Variants in TTC6 observed in about 807,000 individuals in gnomAD.
The protein encoded by TTC6 is tetratricopeptide repeat protein 6.
A neutral mutation model predicts 210.4 loss-of-function variants in TTC6; 172 were observed. The observed-to-expected ratio is 0.82, with a 90% CI of 0.72 to 0.93. TTC6 has a LOEUF of 0.93. Among genes scored for constraint, TTC6 ranks in the 40% least tolerant of loss-of-function variants. The pLI is 0.00. For synonymous variants in TTC6, 804 were observed against 819.6 expected, an observed-to-expected ratio of 0.98 and a Z score of 0.32; for missense variants, 2,414 against 2,318.1, an observed-to-expected ratio of 1.04 and a Z score of -0.85.
intron 14 of TTC6, among the ~76,000 whole-genome samples, chr14:37,773,379 G>A (rs2096026623): frequency 6.6e-6 from 1 of 152,114 alleles, no homozygotes; most frequent in South Asian, 2.1e-4. Context: ...AGGTTATCAT[G>A]CAGAGGTTTT....
chr14:37,722,551 C>T (rs535859168), intron 6 of TTC6, among the ~76,000 whole-genome samples: 2 of 152,234 alleles, frequency 1.3e-5, no homozygotes, highest in East Asian at 3.9e-4. Flanking sequence ...CTATGTTGCT[C>T]AAGCTGGTCT....
At chr14:37,633,263 G>A (rs1357565539) in intron 1 of TTC6, among the ~76,000 whole-genome samples, 8 of 152,222 alleles carry the variant, frequency 5.3e-5, no homozygotes, top group Admixed American at 4.6e-4. Context: ...GAAGGCACCC[G>A]AGGGAATCTC....
intron 27 of TTC6, among the ~76,000 whole-genome samples, chr14:37,824,745 T>G (rs2096166512): frequency 6.6e-6 from 1 of 152,126 alleles, no homozygotes; most frequent in Non-Finnish European, 1.5e-5. Flanking sequence ...GAAAGTTTTT[T>G]GAGAAATTAA....
In TTC6 at chr14:37,656,300, G is replaced by A. The variant is rs559227048; in HGVS notation, c.940-23851G>A. Among the ~76,000 whole-genome samples the A allele has an allele frequency of 2.0e-5, 3 of 152,284 alleles. No homozygotes were observed. The East Asian group carries it at 5.8e-4, about 29-fold the overall frequency. The stretch of plus-strand genomic sequence containing the variant: ...AGCTTCCAAGATAGACTCCTTTAAA[G>A]TAGTTGGCAACCTTGAGGATGCAAA... On this transcript the variant is annotated intron_variant, in intron 1 of 30. Coordinates refer to ENST00000553443, the Ensembl canonical transcript of TTC6.
rs566444775 is a variant in TTC6, at chr14:37,841,776, A to G, written c.5524+106A>G. ...GGTCTATTTATTTAGATAAACTTAC[A>G]TAAGAATTAGTGTTTTTAGATATCA... On this transcript the variant is annotated intron_variant, in intron 30 of 30. Coordinates refer to ENST00000553443, the Ensembl canonical transcript of TTC6. The G allele has an allele frequency of 2.5e-5, 23 of 922,856 alleles. No homozygotes were observed. In the Middle Eastern group the frequency reaches 8.1e-4, roughly 33 times the overall value. 57.2% of individuals were successfully genotyped at this position (922,856 alleles called of 1,614,324 possible).
At chr14:37,636,448 A>G (rs530507505) in intron 1 of TTC6, among the ~76,000 whole-genome samples, 85 of 152,350 alleles carry the variant, frequency 5.6e-4, no homozygotes, top group African/African-American at 2.0e-3. Flanking sequence ...GAGTCAAACT[A>G]GAAATTGATA....
intron 1 of TTC6, among the ~76,000 whole-genome samples, chr14:37,664,327 G>T (rs2095743546): frequency 6.6e-6 from 1 of 150,528 alleles, no homozygotes; most frequent in Non-Finnish European, 1.5e-5. Flanking sequence ...GAACAGAATA[G>T]AGAGCTCAGA....
rs552758844 is a variant in TTC6, at chr14:37,622,255, G to C, written c.191G>C (p.Arg64Pro). 1.4e-4 allele frequency: 222 copies of C among 1,535,150 alleles called. 1 individual carries two copies. In the East Asian group the frequency reaches 5.1e-3, roughly 36 times the overall value. The change falls in exon 1 of 31, where the codon CGC (arginine) becomes CCC (proline). Residue 64 changes from arginine to proline, a missense_variant. Coordinates refer to ENST00000553443, the Ensembl canonical transcript of TTC6. The stretch of plus-strand genomic sequence containing the variant: ...GCCCCCGGCCCGGCCCGCCCCGCGC[G>C]CGTTTCCTGCGCCGCAGCCCGGACG...
chr14:37,809,677 C>T (rs1022950939), intron 24 of TTC6, among the ~76,000 whole-genome samples: 2 of 152,106 alleles, frequency 1.3e-5, no homozygotes, highest in Admixed American at 1.3e-4. Context: ...GACCAGTGAC[C>T]AGGTTTGGCC....
chr14:37,684,133 A>G (rs887841586), intron 3 of TTC6, among the ~76,000 whole-genome samples: 13 of 152,156 alleles, frequency 8.5e-5, no homozygotes, highest in African/African-American at 3.1e-4. Context: ...TGCTGTTTAC[A>G]TATAAATCAA....
rs554729370 is a variant in TTC6 at position 37,734,017 on chromosome 14, C to T, written c.1819-1904C>T. Among the ~76,000 whole-genome samples the T allele has an allele frequency of 1.7e-3, 255 of 152,080 alleles. 1 individual carries two copies. The highest frequency in any genetic ancestry group is 1.3e-3 in the Non-Finnish European group (87 of 67,986). ...TTATGGTGTTTTGTTTCTTTGTATA[C>T]CTGTCTGTCTTTGAATGTTTGCTTA... is the stretch of plus-strand genomic sequence containing the variant. On this transcript the variant is annotated intron_variant, in intron 7 of 30. Transcript: ENST00000553443.
chr14:37,812,108 C>T (rs905918216), intron 24 of TTC6, among the ~76,000 whole-genome samples: 6 of 152,142 alleles, frequency 3.9e-5, no homozygotes, highest in Non-Finnish European at 8.8e-5. Context: ...ACAGTGTGCA[C>T]TGCTTATTGG....
chr14:37,781,362 C>G (rs1191988748), intron 14 of TTC6, among the ~76,000 whole-genome samples: 2 of 152,112 alleles, frequency 1.3e-5, no homozygotes, highest in African/African-American at 4.8e-5. Flanking sequence ...TTTTGATTTG[C>G]ATTTCTCTAA....
Position 37,790,700 on chromosome 14 carries a change from T to G in TTC6, c.3437-17T>G. 4 of 1,526,506 alleles carry G rather than the reference T, an allele frequency of 2.6e-6. No homozygotes were observed. The highest frequency in any genetic ancestry group is 4.0e-5 in the Admixed American group (2 of 50,566). The allele number at this position is 1,526,506 out of a possible 1,614,324, so 94.6% of individuals were successfully genotyped here. A position where few individuals can be genotyped will look rare whatever the true frequency, so the allele number is the denominator to read the frequency against. ...TTTTAGAACCTGAATGAAATACATT[T>G]TTTTAAACTTTTTAAGCACTCATAA... is the stretch of plus-strand genomic sequence containing the variant. On this transcript the variant is annotated splice_polypyrimidine_tract_variant and intron_variant, in intron 15 of 30. Coordinates refer to ENST00000553443, the Ensembl canonical transcript of TTC6.
intron 6 of TTC6, chr14:37,720,472 T>A (rs1396368406): frequency 6.6e-6 from 1 of 151,550 alleles, no homozygotes; most frequent in Non-Finnish European, 1.5e-5. Flanking sequence ...CTTCTCACAG[T>A]GTACCCATTG....
intron 13 of TTC6, 28 bp downstream of exon 15, chr14:37,751,253 A>G (rs770638938): frequency 3.0e-5 from 45 of 1,485,168 alleles, no homozygotes; most frequent in Non-Finnish European, 3.9e-5. Context: ...TAATTCTACC[A>G]TTTATATAGT....
chr14:37,673,985 A>G (rs1366857176), intron 1 of TTC6, among the ~76,000 whole-genome samples: 3 of 152,202 alleles, frequency 2.0e-5, no homozygotes, highest in African/African-American at 7.2e-5. Flanking sequence ...GTTACAGTTT[A>G]TAACTCAGGG....
At chr14:37,677,004 G>C (rs565398755) in intron 1 of TTC6, among the ~76,000 whole-genome samples, 62 of 152,078 alleles carry the variant, frequency 4.1e-4, no homozygotes, top group African/African-American at 1.4e-3. Flanking sequence ...GAGTCCTCCA[G>C]CTTTGTTTTT....
At chr14:37,647,622 A>G (rs2095703938) in intron 1 of TTC6, among the ~76,000 whole-genome samples, 1 of 152,200 alleles carries the variant, frequency 6.6e-6, no homozygotes, top group African/African-American at 2.4e-5. Context: ...TGCCTAATAT[A>G]CTTCCAAGTG....
Sources: allele counts gnomAD v4.1 joint callset (sites outside exome capture counted in the v4.1 genomes callset), GRCh38; gene constraint gnomAD v4.1.1; transcripts MANE v1.5; gene names NCBI Gene and HGNC (gene_info 2026-07-23, HGNC 2026-07-21).